Variants in SCFD1 observed in about 807,000 individuals in gnomAD.
The protein encoded by SCFD1 is sec1 family domain containing 1.
Under a neutral mutation model 103.2 loss-of-function variants are expected in SCFD1, and 37 were observed. The ratio of observed to expected loss-of-function variants is 0.36; its 90% CI spans 0.28 to 0.47. The LOEUF (loss-of-function observed/expected upper bound fraction) is 0.47. Ranked by LOEUF, SCFD1 falls within the 20% of genes least tolerant of loss-of-function variation. The probability of loss-of-function intolerance (pLI) is 1.00; values close to 1 mark genes in which losing one functional copy is unlikely to be tolerated. For synonymous variants in SCFD1, 264 were observed against 245.0 expected (o/e 1.08, Z -0.73); for missense variants, 639 against 761.2 (o/e 0.84, Z 1.89).
intron 3 of SCFD1, among the ~76,000 whole-genome samples, chr14:30,633,598 C>T (rs530958147): frequency 6.6e-6 from 1 of 152,082 alleles, no homozygotes; most frequent in Non-Finnish European, 1.5e-5. Flanking sequence ...TCACCCTTCC[C>T]CTCTGACCAC....
intron 17 of SCFD1, 149 bp from the exon 18 acceptor site, chr14:30,705,674 T>G: frequency 1.7e-6 from 1 of 582,584 alleles, no homozygotes; most frequent in Non-Finnish European, 3.1e-6. Flanking sequence ...TAGTACTAAT[T>G]GTAGTGTACT....
chr14:30,690,442 G>A (rs1890179823), intron 14 of SCFD1, among the ~76,000 whole-genome samples: 1 of 99,774 alleles, frequency 1.0e-5, no homozygotes, highest in Non-Finnish European at 1.8e-5. Flanking sequence ...ATCTCAGACT[G>A]CTGTGCTAGC....
chr14:30,706,541 G>T (rs117990520), intron 18 of SCFD1, among the ~76,000 whole-genome samples: 1 of 152,050 alleles, frequency 6.6e-6, no homozygotes, highest in Non-Finnish European at 1.5e-5. Context: ...AACTGTTTTA[G>T]TACCAATGTT....
chr14:30,675,295 A>G (rs1472186527), intron 14 of SCFD1: 2 of 334,924 alleles, frequency 6.0e-6, no homozygotes, highest in Non-Finnish European at 5.4e-6. Context: ...GTGGGAATCT[A>G]TGATATTTCT....
At chr14:30,692,681 G>A (rs1890399034) in intron 14 of SCFD1, among the ~76,000 whole-genome samples, 1 of 152,206 alleles carries the variant, frequency 6.6e-6, no homozygotes, top group East Asian at 1.9e-4. Context: ...TGAATTTAGT[G>A]AATAGTGATA....
chr14:30,659,251 T>C (rs1258038021), intron 10 of SCFD1, among the ~76,000 whole-genome samples: 2 of 151,396 alleles, frequency 1.3e-5, no homozygotes, highest in Non-Finnish European at 2.9e-5. Flanking sequence ...AAAGTTTTAA[T>C]AATATATTTT....
intron 23 of SCFD1, among the ~76,000 whole-genome samples, chr14:30,724,447 T>TA (rs1259266766): frequency 6.6e-6 from 1 of 151,844 alleles, no homozygotes; most frequent in Non-Finnish European, 1.5e-5. Context: ...GACACGGAGT[T>TA]ACACCACGTT....
intron 10 of SCFD1, among the ~76,000 whole-genome samples, chr14:30,667,046 C>T (rs1389070432): frequency 6.6e-6 from 1 of 152,210 alleles, no homozygotes; most frequent in African/African-American, 2.4e-5. Flanking sequence ...TCCTCCCTAA[C>T]TCATTTTATG....
rs556022864 is a variant in SCFD1, at chr14:30,713,923, C to T, written c.1630-2001C>T. ...TTGGAATTCCTAACTATAGTTTTCTCTTTTGGATAAAGCATTTTAAAATCT... is the reference window on the plus strand; with the variant it reads ...TTGGAATTCCTAACTATAGTTTTCTTTTTTGGATAAAGCATTTTAAAATCT... On this transcript the variant is annotated intron_variant, in intron 19 of 24. Coordinates refer to ENST00000458591, the MANE Select transcript of SCFD1 (RefSeq NM_016106.4). 2.8e-4 allele frequency among the ~76,000 whole-genome samples: 42 copies of T among 152,222 alleles called. 1 individual carries two copies. Among genetic ancestry groups the T allele is most frequent in the African/African-American group, 9.1e-4 (38 of 41,544 alleles).
rs188973077 is a variant in SCFD1 at position 30,674,405 on chromosome 14, G to A, written c.1160+408G>A. Among the ~76,000 whole-genome samples the A allele has an allele frequency of 4.3e-3, 649 of 152,234 alleles. 7 individuals carry two copies. The highest frequency in any genetic ancestry group is 4.3e-3 in the Non-Finnish European group (294 of 68,014). On this transcript the variant is annotated intron_variant, in intron 13 of 24. Transcript: ENST00000458591. ...CGCCTGTAATCCCAACACTTTGGGAGGCTGAGGCGGGCAGATCACAAGGTC... is the reference window on the plus strand; with the variant it reads ...CGCCTGTAATCCCAACACTTTGGGAAGCTGAGGCGGGCAGATCACAAGGTC...
rs773513621 is a variant in SCFD1 at position 30,650,645 on chromosome 14, A to G, written c.750A>G (p.Gln250=). Reference sequence around the variant, plus strand: ...CAGGTGATACACTTGGAGCTGGCCAATTCAGGTATTACTGTTATTAAATAC... The same window carrying G: ...CAGGTGATACACTTGGAGCTGGCCAGTTCAGGTATTACTGTTATTAAATAC... The part of the protein sequence containing the change: ...LFTGDTLGAG[Q]FSFQRPLLVL... Residue 250 remains glutamine, a synonymous_variant, in exon 9 of 25, where the codon CAA becomes CAG. Transcript: ENST00000458591. 4.5e-6 allele frequency: 7 copies of G among 1,563,794 alleles called. No homozygotes were observed. The Admixed American group carries it at 6.8e-5, about 15-fold the overall frequency.
At chr14:30,652,830 G>T (rs964092383) in intron 9 of SCFD1, among the ~76,000 whole-genome samples, 1 of 152,008 alleles carries the variant, frequency 6.6e-6, no homozygotes, top group Non-Finnish European at 1.5e-5. Context: ...AATGTGGTTA[G>T]TTGCCCCGTC....
intron 7 of SCFD1, among the ~76,000 whole-genome samples, chr14:30,645,732 G>T (rs1885753026): frequency 6.6e-6 from 1 of 152,180 alleles, no homozygotes; most frequent in Non-Finnish European, 1.5e-5. Flanking sequence ...TTTGGGCAGA[G>T]AGTATGGAAT....
At chr14:30,630,911 C>T (rs1884043586) in intron 3 of SCFD1, 1 of 186,738 alleles carries the variant, frequency 5.4e-6, no homozygotes, top group Non-Finnish European at 1.1e-5. Context: ...CTTATAAACC[C>T]ATCATAAGTT....
intron 10 of SCFD1, among the ~76,000 whole-genome samples, chr14:30,664,236 C>T (rs117254322): frequency 0.035 from 5,297 of 152,114 alleles, 123 homozygotes; most frequent in Middle Eastern, 0.061. Flanking sequence ...CTGCAGCCTC[C>T]GCTGGTGATT....
At chr14:30,722,007 T>C (rs1298250665) in intron 22 of SCFD1, 90 bp downstream of exon 22, 2 of 868,966 alleles carry the variant, frequency 2.3e-6, no homozygotes, top group Non-Finnish European at 3.7e-6. Context: ...CATGGCTTTA[T>C]GATGATTAGT....
chr14:30,704,553 T>C (rs919975648), intron 17 of SCFD1, among the ~76,000 whole-genome samples: 5 of 152,232 alleles, frequency 3.3e-5, no homozygotes, highest in African/African-American at 7.2e-5. Context: ...GCAGAAATTC[T>C]AATCCACTGC....
chr14:30,637,975 A>T, intron 4 of SCFD1, 150 bp from the exon 5 acceptor site: 1 of 986,786 alleles, frequency 1.0e-6, no homozygotes, highest in Non-Finnish European at 1.4e-6. Context: ...AACCAGTACT[A>T]CTTCAAAGGT....
intron 2 of SCFD1, among the ~76,000 whole-genome samples, chr14:30,630,190 G>A (rs561631701): frequency 6.6e-6 from 1 of 152,204 alleles, no homozygotes; most frequent in East Asian, 1.9e-4. Flanking sequence ...CTTTAAGAAC[G>A]TATTACTGCC....
Sources: allele counts gnomAD v4.1 joint callset (sites outside exome capture counted in the v4.1 genomes callset), GRCh38; gene constraint gnomAD v4.1.1; transcripts MANE v1.5; gene names NCBI Gene and HGNC (gene_info 2026-07-23, HGNC 2026-07-21).